Variants in ERAP1 observed in about 807,000 individuals in gnomAD.
ERAP1 encodes endoplasmic reticulum aminopeptidase 1, also known as adipocyte-derived leucine aminopeptidase.
Under a neutral mutation model 103.7 loss-of-function variants are expected in ERAP1, and 86 were observed. That is an observed-to-expected ratio of 0.83 (90% CI 0.70 to 0.99). The LOEUF (loss-of-function observed/expected upper bound fraction) is 0.99, where lower values mean the gene tolerates loss of function less well. ERAP1 is among the 50% of genes least tolerant of loss of function. ERAP1 has a pLI of 0.00. For missense variants in ERAP1, 1,009 were observed against 1,128.4 expected (o/e 0.89, Z 1.52); for synonymous variants, 398 against 402.4 (o/e 0.99, Z 0.13).
chr5:96,788,112 G>T (rs151928), intron 11 of ERAP1, among the ~76,000 whole-genome samples: 33,790 of 151,886 alleles, frequency 0.22, 3,812 homozygotes, highest in East Asian at 0.26. Flanking sequence ...TGACAAACAG[G>T]TTCCAAATCT....
At chr5:96,851,921 G>T in the ERAP1 span, among the ~76,000 whole-genome samples, 3 of 152,242 alleles carry the variant, frequency 2.0e-5, no homozygotes, top group East Asian at 5.8e-4. Flanking sequence ...GCAGAGTAAA[G>T]GACAGCACAG....
intron 1 of ERAP1, chr5:96,805,860 C>T (rs1209358512): frequency 6.6e-6 from 1 of 152,270 alleles, no homozygotes; most frequent in Non-Finnish European, 1.5e-5. Flanking sequence ...TCCCCGAGAC[C>T]TCTCCAACAG....
At chr5:96,868,442 A>G in the ERAP1 span, among the ~76,000 whole-genome samples, 1 of 152,212 alleles carries the variant, frequency 6.6e-6, no homozygotes, top group African/African-American at 2.4e-5. Flanking sequence ...CAACACAGAT[A>G]TATCTCTTTT....
At chr5:96,773,521 AG>A (rs1773207962), downstream of ERAP1, 1 of 152,300 alleles carries the variant, frequency 6.6e-6, no homozygotes, top group African/African-American at 2.4e-5. Context: ...TTGCCACATT[AG>A]CCTTTGCACT....
chr5:96,915,702 C>T, the ERAP1 span: 1 of 1,550,134 alleles, frequency 6.5e-7, no homozygotes, highest in Non-Finnish European at 8.7e-7. Flanking sequence ...GACTTGGGCT[C>T]ATATGACATA....
At chr5:96,882,487 A>G in the ERAP1 span, among the ~76,000 whole-genome samples, 1 of 152,218 alleles carries the variant, frequency 6.6e-6, no homozygotes, top group South Asian at 2.1e-4. Flanking sequence ...ATTGAATCTT[A>G]TGAATCTCTC....
chr5:96,826,844 A>G, the ERAP1 span, among the ~76,000 whole-genome samples: 1 of 152,188 alleles, frequency 6.6e-6, no homozygotes, highest in African/African-American at 2.4e-5. Context: ...AAAACTTGCC[A>G]TTAGAGATGG....
At chr5:96,780,398 A>G (rs758679341) in intron 18 of ERAP1, 25 bp downstream of exon 18, 1 of 1,486,570 alleles carries the variant, frequency 6.7e-7, no homozygotes, top group East Asian at 2.4e-5. Flanking sequence ...GTTTAAAAAT[A>G]TATATATAGA....
At chr5:96,890,500 G>A in the ERAP1 span, among the ~76,000 whole-genome samples, 1 of 152,170 alleles carries the variant, frequency 6.6e-6, no homozygotes, top group Admixed American at 6.5e-5. Flanking sequence ...CTAGGGTTAG[G>A]GACCCCTGTT....
At chr5:96,849,607 G>A in the ERAP1 span, among the ~76,000 whole-genome samples, 28 of 152,142 alleles carry the variant, frequency 1.8e-4, no homozygotes, top group Admixed American at 1.1e-3. Flanking sequence ...AGAAATTAAA[G>A]AGGACACAAA....
At chr5:96,884,666 T>TC in the ERAP1 span, among the ~76,000 whole-genome samples, 4 of 152,126 alleles carry the variant, frequency 2.6e-5, no homozygotes, top group Admixed American at 1.3e-4. Flanking sequence ...CAAGCAATTC[T>TC]CCTCCCTCAG....
the ERAP1 span, among the ~76,000 whole-genome samples, chr5:96,910,500 C>A: frequency 6.6e-6 from 1 of 150,764 alleles, no homozygotes; most frequent in African/African-American, 2.4e-5. Flanking sequence ...TTATTCTCTT[C>A]TTTTTGTTTC....
At chr5:96,787,789 T>C (rs616819) in intron 11 of ERAP1, among the ~76,000 whole-genome samples, 82,947 of 147,808 alleles carry the variant, frequency 0.56, 23,085 homozygotes, top group South Asian at 0.59. Flanking sequence ...ATATATTATA[T>C]ATATATATGT....
chr5:96,774,997 G>C lies in ERAP1; in HGVS notation c.*1399C>G, dbSNP rs989421563. The C allele has an allele frequency of 3.0e-6, 3 of 985,408 alleles. No individual in the cohort carries two copies. The African/African-American group carries it at 5.2e-5, about 17-fold the overall frequency. 61.0% of individuals were successfully genotyped at this position (985,408 alleles called of 1,614,324 possible). A position where few individuals can be genotyped will look rare whatever the true frequency, so the allele number is the denominator to read the frequency against. ...TTCAGTTTGAATTCTCCTTTGCCAG[G>C]TGTGAGGATTTCCGCACCTTAGAGT... On this transcript the variant is annotated 3_prime_UTR_variant, in exon 19 of 19. Transcript: ENST00000443439.
the ERAP1 span, among the ~76,000 whole-genome samples, chr5:96,840,565 C>G: frequency 2.0e-5 from 3 of 152,128 alleles, no homozygotes; most frequent in African/African-American, 7.2e-5. Flanking sequence ...CTCTAAATCC[C>G]TTAATAATGT....
the ERAP1 span, among the ~76,000 whole-genome samples, chr5:96,885,762 G>T: frequency 6.6e-6 from 1 of 152,126 alleles, no homozygotes; most frequent in African/African-American, 2.4e-5. Flanking sequence ...TCAGATTATT[G>T]GATCTGTATC....
At chr5:96,829,753 A>G in the ERAP1 span, among the ~76,000 whole-genome samples, 2 of 152,192 alleles carry the variant, frequency 1.3e-5, no homozygotes, top group African/African-American at 2.4e-5. Flanking sequence ...TGAGTATATA[A>G]TTTATGCTTA....
At chr5:96,790,197 T>A in intron 10 of ERAP1, 99 bp downstream of exon 10, 1 of 975,076 alleles carries the variant, frequency 1.0e-6, no homozygotes, top group South Asian at 1.3e-5. Context: ...GAGGGTGATA[T>A]AATCAAGGAC....
the ERAP1 span, chr5:96,915,716 A>G: frequency 6.3e-7 from 1 of 1,595,904 alleles, no homozygotes; most frequent in Non-Finnish European, 8.5e-7. Flanking sequence ...TGACATAAGG[A>G]TGATCATCTC....
Sources: gnomAD v4.1 joint callset for allele counts (sites outside exome capture counted in the v4.1 genomes callset) on GRCh38, gnomAD v4.1.1 for gene constraint, MANE v1.5 for transcripts, NCBI Gene and HGNC (gene_info 2026-07-23, HGNC 2026-07-21) for gene names.